Variants in MCPH1 observed in about 807,000 individuals in gnomAD.
The protein encoded by MCPH1 is microcephalin 1, also known as microcephalin.
MCPH1 carries 104 observed loss-of-function variants against 84.5 expected under a neutral mutation model. The observed-to-expected ratio is 1.23, with a 90% confidence interval of 1.05 to 1.45. The LOEUF (loss-of-function observed/expected upper bound fraction) is 1.45, where lower values mean the gene tolerates loss of function less well. Among genes scored for constraint, MCPH1 ranks in the 40% most tolerant of loss-of-function variants. MCPH1 has a pLI of 0.00. For missense variants in MCPH1, 1,498 were observed against 1,005.7 expected (o/e 1.49, Z -6.62); for synonymous variants, 514 against 366.8 (o/e 1.40, Z -4.58).
intron 12 of MCPH1, among the ~76,000 whole-genome samples, chr8:6,522,773 C>CAAAAA (rs199503821): frequency 8.0e-4 from 104 of 130,406 alleles, no homozygotes; most frequent in African/African-American, 2.6e-3. Flanking sequence ...GACATCGTCT[C>CAAAAA]AAAAAAAAAA....
chr8:6,623,549 G>A (rs145440320), intron 13 of MCPH1, among the ~76,000 whole-genome samples: 55 of 151,916 alleles, frequency 3.6e-4, no homozygotes, highest in Middle Eastern at 6.8e-3. Flanking sequence ...AGTTACATTC[G>A]TATCTAACTA....
At chr8:6,615,932 G>C (rs994244109) in intron 12 of MCPH1, 4 of 152,148 alleles carry the variant, frequency 2.6e-5, no homozygotes, top group Non-Finnish European at 5.9e-5. Context: ...CTGCATTGTG[G>C]ATTCTGAAAT....
At chr8:6,429,781 G>C (rs935639466) in intron 3 of MCPH1, among the ~76,000 whole-genome samples, 1 of 151,858 alleles carries the variant, frequency 6.6e-6, no homozygotes, top group African/African-American at 2.4e-5. Flanking sequence ...TGAATCTTTA[G>C]CGTCTCCTGC....
chr8:6,605,000 T>C (rs1426402387), intron 12 of MCPH1, among the ~76,000 whole-genome samples: 1 of 152,142 alleles, frequency 6.6e-6, no homozygotes, highest in Non-Finnish European at 1.5e-5. Flanking sequence ...CATCCCTTCA[T>C]TTCAGAGGGG....
intron 12 of MCPH1, among the ~76,000 whole-genome samples, chr8:6,557,251 G>C (rs1027380327): frequency 1.3e-5 from 2 of 152,150 alleles, no homozygotes; most frequent in Non-Finnish European, 2.9e-5. Flanking sequence ...CTAAACTGCA[G>C]AGGGTACTGG....
chr8:6,636,556 T>C lies in MCPH1; in HGVS notation c.2453-6438T>C, dbSNP rs373101209. ...GTACAGTGCTGCGATCATAGCTCAT[T>C]GCAGCCTCTAACTCCTGGCCTCAAG... On this transcript the variant is annotated intron_variant, in intron 13 of 13. Coordinates refer to ENST00000344683, the MANE Select transcript of MCPH1 (RefSeq NM_024596.5). Among the ~76,000 whole-genome samples the C allele has an allele frequency of 9.9e-5, 15 of 152,254 alleles. No individual in the cohort carries two copies. The East Asian group carries it at 2.7e-3, about 27-fold the overall frequency.
chr8:6,438,729 A>T (rs1803037599), intron 5 of MCPH1, among the ~76,000 whole-genome samples: 1 of 152,232 alleles, frequency 6.6e-6, no homozygotes, highest in Non-Finnish European at 1.5e-5. Context: ...TTCTTAGCAC[A>T]GTGCTTGGTG....
chr8:6,475,206 G>A (rs1391795245), intron 9 of MCPH1, among the ~76,000 whole-genome samples: 2 of 152,216 alleles, frequency 1.3e-5, no homozygotes, highest in Admixed American at 6.5e-5. Flanking sequence ...GCCACACTGG[G>A]CTTCCAGTAC....
intron 1 of MCPH1, among the ~76,000 whole-genome samples, chr8:6,407,346 T>C (rs1797884506): frequency 6.6e-6 from 1 of 152,044 alleles, no homozygotes; most frequent in African/African-American, 2.4e-5. Flanking sequence ...CTATCAACTC[T>C]CTTATATCAT....
At chr8:6,459,500 A>G (rs1217017188) in intron 9 of MCPH1, among the ~76,000 whole-genome samples, 3 of 152,240 alleles carry the variant, frequency 2.0e-5, no homozygotes, top group Admixed American at 6.5e-5. Flanking sequence ...TATTTCCTAA[A>G]GAAAACAAAA....
rs1376173956 is a variant in MCPH1 at position 6,562,557 on chromosome 8, T to TTATTTA, written c.2215-58896_2215-58895insATTTAT. The TTATTTA allele has an allele frequency of 2.2e-5, 4 of 183,370 alleles. 1 individual carries two copies. Among genetic ancestry groups the TTATTTA allele is most frequent in the African/African-American group, 1.0e-4 (4 of 39,538 alleles). The allele number at this position is 183,370 out of a possible 1,614,324, so 11.4% of individuals were successfully genotyped here. On this transcript the variant is annotated intron_variant, in intron 12 of 13. Coordinates refer to ENST00000344683, the MANE Select transcript of MCPH1 (RefSeq NM_024596.5). ...TAATCCTCTTCATCCTCCTTCTTTT[T>TTATTTA]TTTTTTTTTTTTTTGGTTGTTAAAA...
chr8:6,504,564 A>T (rs1812890436), intron 12 of MCPH1, among the ~76,000 whole-genome samples: 1 of 152,134 alleles, frequency 6.6e-6, no homozygotes, highest in East Asian at 1.9e-4. Context: ...TAATGGCCCC[A>T]AAAGTGCAAG....
At chr8:6,482,935 A>G (rs555236793) in intron 11 of MCPH1, among the ~76,000 whole-genome samples, 4 of 152,342 alleles carry the variant, frequency 2.6e-5, no homozygotes, top group Non-Finnish European at 4.4e-5. Context: ...ATCAGACAAG[A>G]AAAGATAATA....
chr8:6,599,414 A>G (rs2980677), intron 12 of MCPH1, among the ~76,000 whole-genome samples: 4,148 of 152,292 alleles, frequency 0.027, 195 homozygotes, highest in African/African-American at 0.094. Flanking sequence ...GAAAAAACCG[A>G]GGATGTTCTT....
chr8:6,535,968 G>A (rs1273639186), intron 12 of MCPH1, among the ~76,000 whole-genome samples: 1 of 151,956 alleles, frequency 6.6e-6, no homozygotes, highest in Non-Finnish European at 1.5e-5. Context: ...GAGGTGGGAG[G>A]ACTGCTTGAG....
intron 12 of MCPH1, among the ~76,000 whole-genome samples, chr8:6,593,713 C>G (rs1828698383): frequency 6.6e-6 from 1 of 152,110 alleles, no homozygotes; most frequent in Non-Finnish European, 1.5e-5. Flanking sequence ...CTTAGGCACC[C>G]TTATAAATAG....
intron 12 of MCPH1, among the ~76,000 whole-genome samples, chr8:6,520,906 C>A (rs1016341322): frequency 6.6e-6 from 1 of 152,152 alleles, no homozygotes; most frequent in Non-Finnish European, 1.5e-5. Flanking sequence ...TAGTAATTTG[C>A]CCAGTCTCAT....
rs577582322 is a variant in MCPH1 at position 6,470,277 on chromosome 8, GT to G, written c.1936-7309del. The stretch of plus-strand genomic sequence containing the variant: ...ATTTCTGAGATCCTCATACTTTGGG[GT>G]TTTTTTTATTTTTTTATTTTTTCGA... On this transcript the variant is annotated intron_variant, in intron 9 of 13. Transcript: ENST00000344683. Among the ~76,000 whole-genome samples the G allele has an allele frequency of 5.3e-5, 8 of 151,754 alleles. No homozygotes were observed. The South Asian group carries it at 1.3e-3, about 24-fold the overall frequency.
chr8:6,443,646 TG>T (rs1354054438), intron 7 of MCPH1, among the ~76,000 whole-genome samples: 1 of 152,136 alleles, frequency 6.6e-6, no homozygotes, highest in Non-Finnish European at 1.5e-5. Context: ...CACGTAACCA[TG>T]GGGCAGTATG....
Sources: allele counts gnomAD v4.1 joint callset (sites outside exome capture counted in the v4.1 genomes callset), GRCh38; gene constraint gnomAD v4.1.1; transcripts MANE v1.5; gene names NCBI Gene and HGNC (gene_info 2026-07-23, HGNC 2026-07-21).